ADGRG2: variants seen among roughly 807,000 people sequenced by gnomAD.
The protein encoded by ADGRG2 is adhesion G protein-coupled receptor G2.
A neutral mutation model predicts 74.1 loss-of-function variants in ADGRG2; 26 were observed. The ratio of observed to expected loss-of-function variants is 0.35; its 90% CI spans 0.26 to 0.49. The LOEUF is 0.49. ADGRG2 is among the 20% of genes least tolerant of loss of function. ADGRG2 has a pLI of 0.99. For synonymous variants in ADGRG2, 296 were observed against 295.2 expected (o/e 1.00, Z -0.03); for missense variants, 619 against 763.1 (o/e 0.81, Z 2.22).
At chrX:19,033,274 T>C in intron 8 of ADGRG2, 1 of 143,138 alleles carries the variant, frequency 7.0e-6, no homozygotes, top group Non-Finnish European at 1.4e-5. Flanking sequence ...ATTAATTGCA[T>C]CCCCCTCTAC....
chrX:19,040,523 C>T (rs777849144), intron 3 of ADGRG2, among the ~76,000 whole-genome samples: 2 of 111,985 alleles, frequency 1.8e-5, no homozygotes, highest in Non-Finnish European at 3.8e-5. Context: ...TGGAAGTGAA[C>T]GTAAGCTGAA....
chrX:19,107,747 G>T (rs1222784296), intron 1 of ADGRG2, among the ~76,000 whole-genome samples: 1 of 107,987 alleles, frequency 9.3e-6, no homozygotes, highest in Non-Finnish European at 1.9e-5. Context: ...TTAAAATGAT[G>T]ATATGATATA....
At chrX:19,110,496 A>G (rs2062391263) in intron 1 of ADGRG2, among the ~76,000 whole-genome samples, 1 of 110,243 alleles carries the variant, frequency 9.1e-6, no homozygotes, top group South Asian at 4.0e-4. Context: ...CAGCCTGGCC[A>G]ACATGGCAAA....
intron 6 of ADGRG2, chrX:19,036,199 C>T (rs2060936965): frequency 1.0e-5 from 3 of 299,670 alleles, no homozygotes; most frequent in Non-Finnish European, 1.7e-5. Context: ...GATTCAAATG[C>T]AAGTTACATG....
At chrX:19,093,682 A>T (rs905760527) in intron 1 of ADGRG2, among the ~76,000 whole-genome samples, 13 of 111,581 alleles carry the variant, frequency 1.2e-4, no homozygotes, top group African/African-American at 4.2e-4. Context: ...TTAATTTTTG[A>T]CTAGTATCTA....
chrX:19,086,292 T>C (rs1179418234), intron 1 of ADGRG2, among the ~76,000 whole-genome samples: 4 of 111,206 alleles, frequency 3.6e-5, no homozygotes, highest in East Asian at 2.8e-4. Flanking sequence ...TATCAACTTA[T>C]GTAAGACATG....
At chrX:19,071,234 G>C (rs2061649005) in intron 2 of ADGRG2, among the ~76,000 whole-genome samples, 1 of 111,815 alleles carries the variant, frequency 8.9e-6, no homozygotes, top group Non-Finnish European at 1.9e-5. Context: ...TCCTTCAGAA[G>C]AGGGCTTGCA....
intron 3 of ADGRG2, among the ~76,000 whole-genome samples, chrX:19,043,067 T>G: frequency 9.0e-6 from 1 of 110,977 alleles, no homozygotes; most frequent in Non-Finnish European, 1.9e-5. Flanking sequence ...GGGCTCTCAG[T>G]AACTCCTGAC....
At chrX:19,077,500 G>A (rs1301763157) in intron 2 of ADGRG2, among the ~76,000 whole-genome samples, 1 of 97,297 alleles carries the variant, frequency 1.0e-5, no homozygotes, top group Non-Finnish European at 2.0e-5. Context: ...GGCAACAAGA[G>A]TGAAACTCTA....
intron 15 of ADGRG2, 54 bp downstream of exon 15, chrX:19,019,545 G>T (rs12838225): frequency 1.5e-5 from 9 of 618,490 alleles, no homozygotes; most frequent in African/African-American, 2.4e-5. Context: ...AGCTAGCATG[G>T]TGATTTTTTT....
intron 2 of ADGRG2, among the ~76,000 whole-genome samples, chrX:19,078,374 AC>A (rs200312269): frequency 3.6e-5 from 4 of 110,352 alleles, no homozygotes; most frequent in East Asian, 2.8e-4. Flanking sequence ...ACAAAGTGGG[AC>A]CCCCCCTCCA....
At chrX:19,109,337 A>C (rs1047514634) in intron 1 of ADGRG2, among the ~76,000 whole-genome samples, 6 of 112,055 alleles carry the variant, frequency 5.4e-5, no homozygotes, top group African/African-American at 1.9e-4. Flanking sequence ...AAAGCGAATC[A>C]TCTGCTGACA....
chrX:19,070,085 G>A (rs892804550), intron 2 of ADGRG2, among the ~76,000 whole-genome samples: 1 of 112,198 alleles, frequency 8.9e-6, no homozygotes, highest in Non-Finnish European at 1.9e-5. Flanking sequence ...CCTGGCCTCT[G>A]TACCCACTCA....
Position 19,048,037 on chromosome X carries a change from C to T in ADGRG2, c.119-7813G>A, listed in dbSNP as rs936707497. 1.7e-4 allele frequency among the ~76,000 whole-genome samples: 19 copies of T among 110,877 alleles called. No individual in the cohort carries two copies. The East Asian group carries it at 4.3e-3, about 25-fold the overall frequency. ...AGTTCTAGGTGGGCTTTGGCCAGAA[C>T]GGGAAGAAGGTGAAATGTGTTCTTG... On this transcript the variant is annotated intron_variant, in intron 3 of 28. Transcript: ENST00000379869.
intron 3 of ADGRG2, among the ~76,000 whole-genome samples, chrX:19,067,467 G>A (rs949541467): frequency 3.6e-5 from 4 of 111,804 alleles, no homozygotes; most frequent in Non-Finnish European, 5.6e-5. Flanking sequence ...AAGTTGGACC[G>A]TTACCTTATA....
chrX:18,996,126 C>T lies in ADGRG2; in HGVS notation c.2641G>A (p.Val881Met). Residue 881 changes from valine (V) to methionine (M), a missense_variant, in exon 27 of 29, where the codon GTG becomes ATG. Transcript: ENST00000379869. ...QGFFIFIFYC[V>M]AKENVRKQWR... ...TGCTTCCTGACATTTTCTTTGGCCA[C>T]ACAGTAAAAGATGAATATGAAAAAT... 4 of 1,165,493 alleles carry T rather than the reference C, an allele frequency of 3.4e-6. No homozygotes were observed. The highest frequency in any genetic ancestry group is 4.7e-6 in the Non-Finnish European group (4 of 855,420).
chrX:19,081,832 T>C (rs1049929907), intron 2 of ADGRG2, among the ~76,000 whole-genome samples: 9 of 109,973 alleles, frequency 8.2e-5, no homozygotes, highest in African/African-American at 3.0e-4. Flanking sequence ...CCCAGCACTT[T>C]GGGAGGCTGA....
At chrX:19,031,758 A>C (rs1386809765) in intron 8 of ADGRG2, 4 of 112,233 alleles carry the variant, frequency 3.6e-5, no homozygotes. Flanking sequence ...CAGAACCAAA[A>C]CTTTATACGT....
At chrX:19,037,546 C>T in intron 5 of ADGRG2, 43 bp downstream of exon 5, 1 of 1,144,396 alleles carries the variant, frequency 8.7e-7, no homozygotes. Flanking sequence ...AAAACTTTAA[C>T]AAATTGGACT....
Sources: gnomAD v4.1 joint callset for allele counts (sites outside exome capture counted in the v4.1 genomes callset) on GRCh38, gnomAD v4.1.1 for gene constraint, MANE v1.5 for transcripts, NCBI Gene and HGNC (gene_info 2026-07-23, HGNC 2026-07-21) for gene names.